Variants in PARD3B observed in about 807,000 individuals in gnomAD.
PARD3B encodes par-3 family cell polarity regulator beta.
Under a neutral mutation model 130.2 loss-of-function variants are expected in PARD3B, and 103 were observed. The observed-to-expected ratio is 0.79, with a 90% CI of 0.67 to 0.93. The LOEUF is 0.93. PARD3B is among the 40% of genes least tolerant of loss of function. PARD3B has a pLI of 0.00. For missense variants in PARD3B, 1,609 were observed against 1,499.2 expected (o/e 1.07, Z -1.21); for synonymous variants, 583 against 553.2 (o/e 1.05, Z -0.76).
chr2:205,417,277 G>A (rs1274786193), intron 19 of PARD3B, among the ~76,000 whole-genome samples: 2 of 152,030 alleles, frequency 1.3e-5, no homozygotes, highest in Non-Finnish European at 2.9e-5. Flanking sequence ...TCTTATGGCT[G>A]CATAATATTC....
In PARD3B at chr2:204,979,657, C is replaced by CT. The variant is rs572449500; in HGVS notation, c.394+14335dup. Among the ~76,000 whole-genome samples, 6 of 152,192 alleles carry CT rather than the reference C, an allele frequency of 3.9e-5. No individual in the cohort carries two copies. In the East Asian group the frequency reaches 1.2e-3, roughly 29 times the overall value. On this transcript the variant is annotated intron_variant, in intron 3 of 22. Transcript: ENST00000406610. The stretch of plus-strand genomic sequence containing the variant: ...ACAGATATGTATAAAGGTATAGAAA[C>CT]TGATTCAGTGTAATTTTGGCACAAG...
At position 205,268,235 on chromosome 2, in the gene PARD3B, C is replaced by T. The variant is rs1218663086; in HGVS notation, c.2185+22413C>T. Among the ~76,000 whole-genome samples, 2 of 152,214 alleles carry T rather than the reference C, an allele frequency of 1.3e-5. No homozygotes were observed. The highest frequency in any genetic ancestry group is 6.5e-5 in the Admixed American group (1 of 15,276). On this transcript the variant is annotated intron_variant, in intron 16 of 22. Coordinates refer to ENST00000406610, the MANE Select transcript of PARD3B (RefSeq NM_001302769.2). The surrounding 1 kb of genome is among the most constrained non-coding windows in gnomAD (Gnocchi z 4.1). ...AAAATAAATTAGCAGTTTTGCATCACGATGTCTTGTGACATACATGCATTA... is the reference window on the plus strand; with the variant it reads ...AAAATAAATTAGCAGTTTTGCATCATGATGTCTTGTGACATACATGCATTA...
intron 1 of PARD3B, among the ~76,000 whole-genome samples, chr2:204,650,652 A>T (rs2035445462): frequency 6.6e-6 from 1 of 152,190 alleles, no homozygotes; most frequent in South Asian, 2.1e-4. Flanking sequence ...CAGGAACAGA[A>T]AACCAAATAC....
At chr2:205,027,870 C>T (rs1409603938) in intron 3 of PARD3B, among the ~76,000 whole-genome samples, 1 of 152,096 alleles carries the variant, frequency 6.6e-6, no homozygotes, top group African/African-American at 2.4e-5. Context: ...GATTAGTTGA[C>T]CATATATGCA....
chr2:204,558,105 T>C (rs996213176), intron 1 of PARD3B: 3 of 152,182 alleles, frequency 2.0e-5, no homozygotes, highest in African/African-American at 7.2e-5. Flanking sequence ...TGCAATGTGG[T>C]GGAATTGCAG....
chr2:205,551,594 G>A (rs1436124037), intron 21 of PARD3B, among the ~76,000 whole-genome samples: 2 of 152,052 alleles, frequency 1.3e-5, no homozygotes, highest in Non-Finnish European at 2.9e-5. Context: ...AGGTTTTATA[G>A]GACACACTCT....
At chr2:204,845,330 C>G (rs2044416182) in intron 2 of PARD3B, among the ~76,000 whole-genome samples, 1 of 152,082 alleles carries the variant, frequency 6.6e-6, no homozygotes, top group Non-Finnish European at 1.5e-5. Context: ...CTTTGAACAA[C>G]TTTTTCATGT....
intron 22 of PARD3B, among the ~76,000 whole-genome samples, chr2:205,603,954 T>TGCTTTTGCACACAGCAC (rs2054887553): frequency 6.6e-6 from 1 of 152,172 alleles, no homozygotes; most frequent in South Asian, 2.1e-4. Context: ...TTGGTCTGTG[T>TGCTTTTGCACACAGCAC]ATTTCAGTGT....
chr2:205,039,072 G>C (rs182132810), intron 3 of PARD3B, among the ~76,000 whole-genome samples: 1 of 145,802 alleles, frequency 6.9e-6, no homozygotes, highest in East Asian at 2.0e-4. Flanking sequence ...ATCATTACCA[G>C]TTTTTTTTTT....
intron 18 of PARD3B, among the ~76,000 whole-genome samples, chr2:205,313,986 T>C (rs558579055): frequency 6.6e-6 from 1 of 152,334 alleles, no homozygotes; most frequent in Admixed American, 6.5e-5. Flanking sequence ...TAATAAAATA[T>C]ATTAATGATA....
chr2:204,901,204 T>C (rs537729430), intron 2 of PARD3B, among the ~76,000 whole-genome samples: 159 of 152,188 alleles, frequency 1.0e-3, no homozygotes, highest in African/African-American at 3.8e-3. Context: ...TTCCCCTTGG[T>C]CCCAGGTGGA....
At chr2:205,194,164 C>A (rs531473911) in intron 15 of PARD3B, among the ~76,000 whole-genome samples, 1 of 152,238 alleles carries the variant, frequency 6.6e-6, no homozygotes, top group South Asian at 2.1e-4. Context: ...TTTCTCAAGG[C>A]ATATTATATA....
At chr2:205,098,954 T>TA (rs1318243530) in intron 4 of PARD3B, among the ~76,000 whole-genome samples, 2 of 152,014 alleles carry the variant, frequency 1.3e-5, no homozygotes, top group African/African-American at 2.4e-5. Context: ...ACGTTCGCTT[T>TA]AAAAAAAATT....
At chr2:205,498,595 T>C (rs1209924924) in intron 20 of PARD3B, among the ~76,000 whole-genome samples, 1 of 152,158 alleles carries the variant, frequency 6.6e-6, no homozygotes, top group Non-Finnish European at 1.5e-5. Flanking sequence ...ACCATACACC[T>C]GGTATGTGTG....
chr2:204,900,869 AC>A (rs2046828180), intron 2 of PARD3B, among the ~76,000 whole-genome samples: 1 of 152,232 alleles, frequency 6.6e-6, no homozygotes, highest in African/African-American at 2.4e-5. Context: ...ACTTTTGCAG[AC>A]TTTTACAGGT....
intron 4 of PARD3B, among the ~76,000 whole-genome samples, chr2:205,104,203 AT>A (rs1458893824): frequency 1.3e-5 from 2 of 152,200 alleles, no homozygotes; most frequent in Non-Finnish European, 2.9e-5. Context: ...AACATATTGC[AT>A]TGTGTAGATG....
At position 205,470,058 on chromosome 2, in the gene PARD3B, A is replaced by T. The variant is rs1334543506; in HGVS notation, c.3044+29386A>T. ...TCTCTCCTGCTTTCCATTGATGGAG[A>T]TGTCAGGTGAGTCACTTAATGTCTG... On this transcript the variant is annotated intron_variant, in intron 20 of 22. Coordinates refer to ENST00000406610, the MANE Select transcript of PARD3B (RefSeq NM_001302769.2). This position sits in a 1 kb window ranked among gnomAD's most constrained non-coding sequence, Gnocchi z 4.8. 6.6e-6 allele frequency among the ~76,000 whole-genome samples: 1 copy of T among 152,054 alleles called. No individual in the cohort carries two copies. The highest frequency in any genetic ancestry group is 2.4e-5 in the African/African-American group (1 of 41,390).
chr2:205,297,139 A>G lies in PARD3B; in HGVS notation c.2186-3391A>G, dbSNP rs565896340. On this transcript the variant is annotated intron_variant, in intron 16 of 22. Transcript: ENST00000406610. ...AGCCACAACCAATATCGCATCAGCT[A>G]TAGATGAAAATATGAAGAGTCATCA... Among the ~76,000 whole-genome samples, 4 of 152,246 alleles carry G rather than the reference A, an allele frequency of 2.6e-5. No individual in the cohort carries two copies. The South Asian group carries it at 6.2e-4, about 24-fold the overall frequency.
intron 4 of PARD3B, among the ~76,000 whole-genome samples, chr2:205,092,268 G>C (rs1702154407): frequency 6.6e-6 from 1 of 152,164 alleles, no homozygotes; most frequent in African/African-American, 2.4e-5. Context: ...TAGTAAAGCA[G>C]CATGGGGCAG....
Sources: gnomAD v4.1 joint callset for allele counts (sites outside exome capture counted in the v4.1 genomes callset) on GRCh38, gnomAD v4.1.1 for gene constraint, Gnocchi (gnomAD v3.1) non-coding constraint, MANE v1.5 for transcripts, NCBI Gene and HGNC (gene_info 2026-07-23, HGNC 2026-07-21) for gene names.